EML6: variants seen among roughly 807,000 people sequenced by gnomAD.
The protein encoded by EML6 is EMAP like 6, also known as echinoderm microtubule-associated protein-like 6.
Under a neutral mutation model 240.1 loss-of-function variants are expected in EML6, and 154 were observed. That is an observed-to-expected ratio of 0.64 (90% CI 0.56 to 0.73). The LOEUF is 0.73. Among genes scored for constraint, EML6 ranks in the 30% least tolerant of loss-of-function variants. The pLI, the probability that EML6 is intolerant of heterozygous loss-of-function variation, is 0.00. For synonymous variants in EML6, 1,148 were observed against 899.0 expected (o/e 1.28, Z -4.95); for missense variants, 2,964 against 2,474.6 (o/e 1.20, Z -4.20).
intron 2 of EML6, among the ~76,000 whole-genome samples, chr2:54,728,686 T>C (rs1683018125): frequency 6.6e-6 from 1 of 152,148 alleles, no homozygotes; most frequent in Non-Finnish European, 1.5e-5. Flanking sequence ...GCCTGGCCCT[T>C]AGTTGGTGCT....
rs1329560350 is a variant in EML6 at position 54,885,562 on chromosome 2, C to T, written c.2439-5492C>T. Among the ~76,000 whole-genome samples the T allele has an allele frequency of 1.2e-4, 18 of 152,080 alleles. No individual in the cohort carries two copies. The East Asian group carries it at 3.1e-3, about 26-fold the overall frequency. ...GATCTTTTTCTCCCCTAATTGTTAA[C>T]GATATGTCCAGTAATGTATCCTAGC... On this transcript the variant is annotated intron_variant, in intron 17 of 41. Coordinates refer to ENST00000356458, the MANE Select transcript of EML6 (RefSeq NM_001039753.4).
In EML6 at chr2:54,899,668, T is replaced by C. The variant is rs1672953560; in HGVS notation, c.3010T>C (p.Leu1004=). The change falls in exon 22 of 42, where the codon TTG becomes CTG. Residue 1004 remains leucine (L), a synonymous_variant. Coordinates refer to ENST00000356458, the MANE Select transcript of EML6 (RefSeq NM_001039753.4). ...GCACATGGAAGGAGAAGTGTGGGGG[T>C]TGGCAGCTCACCCTCTCCTGCCCAT... ...QGHMEGEVWG[L]AAHPLLPICA... The C allele has an allele frequency of 1.3e-6, 2 of 1,553,626 alleles. No individual in the cohort carries two copies. The highest frequency in any genetic ancestry group is 4.9e-5 in the East Asian group (2 of 41,146).
intron 21 of EML6, among the ~76,000 whole-genome samples, chr2:54,898,530 T>C (rs552063356): frequency 6.6e-6 from 1 of 152,302 alleles, no homozygotes; most frequent in Non-Finnish European, 1.5e-5. Flanking sequence ...TCAAAAACAA[T>C]GTCTGTATCC....
intron 5 of EML6, among the ~76,000 whole-genome samples, chr2:54,821,382 A>C (rs1446523982): frequency 6.6e-6 from 1 of 152,210 alleles, no homozygotes; most frequent in Non-Finnish European, 1.5e-5. Context: ...TCTGCAGAAG[A>C]ATGTAAAACA....
chr2:54,895,124 C>T (rs1468852101), intron 20 of EML6, 98 bp downstream of exon 20: 10 of 1,307,234 alleles, frequency 7.6e-6, no homozygotes, highest in Admixed American at 4.1e-5. Flanking sequence ...TCAATTTTCT[C>T]CCTCTTCCAT....
chr2:54,953,738 T>C (rs1460487103), intron 31 of EML6, among the ~76,000 whole-genome samples: 1 of 151,854 alleles, frequency 6.6e-6, no homozygotes, highest in Admixed American at 6.6e-5. Context: ...AATACAAAAA[T>C]TAGCTGGGTG....
rs1218164347 is a variant in EML6 at position 54,957,909 on chromosome 2, G to A, written c.4606G>A (p.Ala1536Thr). The change falls in exon 33 of 42, where the codon GCA (alanine) becomes ACA (threonine). Residue 1536 changes from alanine to threonine, a missense_variant. Ala to Thr is a moderately conservative substitution (Grantham distance 58). Transcript: ENST00000356458. ...CAAACATATGAAGTTCTGGACCCTG[G>A]CAGGCAGCGCCTTGCTTTACAAGAA... The part of the protein sequence containing the change: ...GVKHMKFWTL[A>T]GSALLYKKGV... The A allele has an allele frequency of 6.4e-7, 1 of 1,551,636 alleles. No individual in the cohort carries two copies. The highest frequency in any genetic ancestry group is 8.7e-7 in the Non-Finnish European group (1 of 1,146,994).
chr2:54,845,701 A>T (rs1266938457), intron 8 of EML6, among the ~76,000 whole-genome samples: 1 of 152,180 alleles, frequency 6.6e-6, no homozygotes. Flanking sequence ...ATGATGGATG[A>T]GGTATTGAGA....
At chr2:54,945,632 C>G (rs1034983535) in intron 28 of EML6, among the ~76,000 whole-genome samples, 1 of 152,152 alleles carries the variant, frequency 6.6e-6, no homozygotes, top group Admixed American at 6.5e-5. Flanking sequence ...GTTTCAGAAG[C>G]TTCCCTGAGC....
At chr2:54,870,001 G>A (rs1185262228) in intron 15 of EML6, among the ~76,000 whole-genome samples, 1 of 152,064 alleles carries the variant, frequency 6.6e-6, no homozygotes, top group Non-Finnish European at 1.5e-5. Flanking sequence ...GAGTAATATT[G>A]TCAAAAGTAT....
chr2:54,822,455 C>G (rs1347958305), intron 5 of EML6, among the ~76,000 whole-genome samples: 1 of 152,058 alleles, frequency 6.6e-6, no homozygotes, highest in African/African-American at 2.4e-5. Context: ...TTATCAATAG[C>G]AAATAACCAA....
At chr2:54,801,433 A>C (rs1197080530) in intron 2 of EML6, among the ~76,000 whole-genome samples, 1 of 152,220 alleles carries the variant, frequency 6.6e-6, no homozygotes, top group Non-Finnish European at 1.5e-5. Context: ...AGTGATGCTT[A>C]CATGAATTAA....
intron 2 of EML6, among the ~76,000 whole-genome samples, chr2:54,780,505 C>T (rs1308716184): frequency 6.6e-6 from 1 of 152,144 alleles, no homozygotes; most frequent in African/African-American, 2.4e-5. Flanking sequence ...TAATAAGGCT[C>T]TTAGTTCTTC....
Position 54,787,453 on chromosome 2 carries a change from G to A in EML6, c.198-25779G>A, listed in dbSNP as rs955352811. On this transcript the variant is annotated intron_variant, in intron 2 of 41. Coordinates refer to ENST00000356458, the MANE Select transcript of EML6 (RefSeq NM_001039753.4). ...ATCTTGGCTCTGCCACTTACCAGCT[G>A]TGTGGCCTGGGCAAGTTCCTTAACC... 2.0e-5 allele frequency among the ~76,000 whole-genome samples: 3 copies of A among 152,188 alleles called. No homozygotes were observed. In the East Asian group the frequency reaches 5.8e-4, roughly 29 times the overall value.
chr2:54,778,769 G>T (rs899480894), intron 2 of EML6, among the ~76,000 whole-genome samples: 41 of 151,570 alleles, frequency 2.7e-4, no homozygotes, highest in Admixed American at 1.3e-3. Flanking sequence ...GCGGGTGCCT[G>T]TAATCCCAGC....
At chr2:54,739,930 G>A (rs67246257) in intron 2 of EML6, among the ~76,000 whole-genome samples, 19,070 of 152,192 alleles carry the variant, frequency 0.13, 1,355 homozygotes, top group Middle Eastern at 0.18. Context: ...CCTGGTGATG[G>A]ATTGGATATG....
chr2:54,901,472 GA>G (rs1673052549), intron 22 of EML6, among the ~76,000 whole-genome samples: 1 of 152,226 alleles, frequency 6.6e-6, no homozygotes, highest in African/African-American at 2.4e-5. Context: ...GAATGTCAGT[GA>G]ATGGACTTTA....
In EML6 at chr2:54,842,833, T is replaced by C. The variant is rs867683452; in HGVS notation, c.848-1214T>C. The stretch of plus-strand genomic sequence containing the variant: ...GAGGGACGTGTGGACTTTAAAGGAG[T>C]ACTATGCTTTTGGAGAAGAGGCTTG... On this transcript the variant is annotated intron_variant, in intron 7 of 41. Transcript: ENST00000356458. Among the ~76,000 whole-genome samples the C allele has an allele frequency of 1.6e-4, 25 of 152,064 alleles. No homozygotes were observed. In the Middle Eastern group the frequency reaches 0.014, roughly 83 times the overall value.
chr2:54,772,657 G>A (rs1668446991), intron 2 of EML6, among the ~76,000 whole-genome samples: 1 of 152,204 alleles, frequency 6.6e-6, no homozygotes, highest in Middle Eastern at 3.2e-3. Context: ...CAGCTCTGCG[G>A]TGTAGTTAAC....
Sources: allele counts gnomAD v4.1 joint callset (sites outside exome capture counted in the v4.1 genomes callset), GRCh38; gene constraint gnomAD v4.1.1; transcripts MANE v1.5; gene names NCBI Gene and HGNC (gene_info 2026-07-23, HGNC 2026-07-21).